Variants in DCHS2 observed in about 807,000 individuals in gnomAD.
The protein encoded by DCHS2 is dachsous cadherin-related 2.
A neutral mutation model predicts 182.4 loss-of-function variants in DCHS2; 142 were observed. The ratio of observed to expected loss-of-function variants is 0.78; its 90% CI spans 0.68 to 0.89. The LOEUF (loss-of-function observed/expected upper bound fraction) is 0.89, where lower values mean the gene tolerates loss of function less well. Ranked by LOEUF, DCHS2 falls within the 40% of genes least tolerant of loss-of-function variation. DCHS2 has a pLI of 0.00. For synonymous variants in DCHS2, 1,740 were observed against 1,663.3 expected (o/e 1.05, Z -1.12); for missense variants, 4,319 against 4,198.6 (o/e 1.03, Z -0.79).
At position 154,334,836 on chromosome 4, in the gene DCHS2, A is replaced by T. The variant is rs368565583; in HGVS notation, c.2713+32T>A. 2.3e-5 allele frequency: 34 copies of T among 1,502,332 alleles called. No individual in the cohort carries two copies. In the African/African-American group the frequency reaches 4.6e-4, roughly 20 times the overall value. 93.1% of individuals were successfully genotyped at this position (1,502,332 alleles called of 1,614,324 possible). ...AAAACAAGAAATGTTCCAATAATGG[A>T]ATTCCATGCAGCATAAGAAATAAGT... is the stretch of plus-strand genomic sequence containing the variant. On this transcript the variant is annotated intron_variant, in intron 4 of 19. Transcript: ENST00000357232.
intron 1 of DCHS2, among the ~76,000 whole-genome samples, chr4:154,392,327 C>G (rs536471898): frequency 6.6e-6 from 1 of 152,160 alleles, no homozygotes; most frequent in Admixed American, 6.5e-5. Context: ...CAAAGAGATA[C>G]CCAGAATTTA....
Position 154,235,889 on chromosome 4 carries a change from G to A in DCHS2, c.8763C>T (p.Thr2921=), listed in dbSNP as rs1489254075. The A allele has an allele frequency of 1.2e-6, 2 of 1,614,046 alleles. No individual in the cohort carries two copies. Among genetic ancestry groups the A allele is most frequent in the South Asian group, 2.2e-5 (2 of 91,076 alleles). The change falls in exon 20 of 20, where the codon ACC becomes ACT. Residue 2921 remains threonine, a synonymous_variant. Transcript: ENST00000357232. ...IDGVILYSLG[T]SSPFFSVNKT... is the part of the protein sequence containing the mutation. ...TATTTACTGAAAAGAAAGGAGATGA[G>A]GTTCCAAGGGAGTAAAGAATGACTC...
chr4:154,374,179 G>T, intron 2 of DCHS2: 3 of 501,840 alleles, frequency 6.0e-6, no homozygotes, highest in Non-Finnish European at 1.1e-5. Context: ...AGGGGAGCTT[G>T]CTTCTCCTGA....
At position 154,282,611 on chromosome 4, in the gene DCHS2, T is replaced by C. The variant is rs149076023; in HGVS notation, c.6464-12598A>G. ...TGGTGCAGCCCACTATGGAACATAG[T>C]ACAGAGGTTCCTCAAAAAATTAAAA... On this transcript the variant is annotated intron_variant, in intron 13 of 19. Transcript: ENST00000357232. 1.3e-3 allele frequency among the ~76,000 whole-genome samples: 205 copies of C among 152,220 alleles called. 2 individuals carry two copies. Among genetic ancestry groups the C allele is most frequent in the African/African-American group, 4.5e-3 (186 of 41,576 alleles).
chr4:154,246,011 C>T (rs779801170), intron 16 of DCHS2, among the ~76,000 whole-genome samples: 18 of 152,064 alleles, frequency 1.2e-4, no homozygotes, highest in Admixed American at 5.9e-4. Context: ...GAAATCTCTG[C>T]ACCATCTCTC....
At chr4:154,276,944 T>C (rs886396359) in intron 13 of DCHS2, among the ~76,000 whole-genome samples, 3 of 152,220 alleles carry the variant, frequency 2.0e-5, no homozygotes, top group African/African-American at 7.2e-5. Context: ...TATGAAAATA[T>C]TATGAAAATT....
intron 13 of DCHS2, among the ~76,000 whole-genome samples, chr4:154,276,664 T>C (rs571135392): frequency 1.3e-5 from 2 of 152,326 alleles, no homozygotes; most frequent in East Asian, 1.9e-4. Flanking sequence ...ATATTGCAAC[T>C]ACTTAAGAAA....
chr4:154,252,887 T>C (rs1400462644), intron 16 of DCHS2, among the ~76,000 whole-genome samples: 18 of 152,102 alleles, frequency 1.2e-4, no homozygotes, highest in Admixed American at 1.1e-3. Context: ...TTTTATATTT[T>C]AAAACAAAGG....
At chr4:154,263,801 C>A (rs1227978365) in intron 14 of DCHS2, among the ~76,000 whole-genome samples, 1 of 151,378 alleles carries the variant, frequency 6.6e-6, no homozygotes, top group Non-Finnish European at 1.5e-5. Flanking sequence ...CTCATGAATA[C>A]AATCCACAGA....
chr4:154,320,949 G>A lies in DCHS2; in HGVS notation c.4450C>T (p.His1484Tyr), dbSNP rs1242514951. Residue 1484 changes from histidine (H) to tyrosine (Y), a missense_variant, in exon 9 of 20, where the codon CAT (histidine) becomes TAT (tyrosine). By Grantham distance (83) the His-to-Tyr change is moderately conservative (BLOSUM62 2). Coordinates refer to ENST00000357232, the MANE Select transcript of DCHS2 (RefSeq NM_001358235.2). ...CTACTCAGGGAAAGGTTTTTGCTATGGTCTGTAGTAATCACTCTGAAAAGA... is the reference window on the plus strand; with the variant it reads ...CTACTCAGGGAAAGGTTTTTGCTATAGTCTGTAGTAATCACTCTGAAAAGA... ...HYLFRVITTD[H>Y]SKNLSLSSTV... 4 of 1,613,988 alleles carry A rather than the reference G, an allele frequency of 2.5e-6. No individual in the cohort carries two copies. Among genetic ancestry groups the A allele is most frequent in the Non-Finnish European group, 3.4e-6 (4 of 1,179,990 alleles).
At chr4:154,254,414 C>T (rs976797391) in intron 16 of DCHS2, among the ~76,000 whole-genome samples, 8 of 152,228 alleles carry the variant, frequency 5.3e-5, no homozygotes, top group African/African-American at 1.9e-4. Context: ...GAGCTCCATC[C>T]TCATCGGCAC....
intron 16 of DCHS2, among the ~76,000 whole-genome samples, chr4:154,255,226 C>CT (rs1384168568): frequency 6.6e-6 from 1 of 152,170 alleles, no homozygotes; most frequent in Non-Finnish European, 1.5e-5. Context: ...CAAACATTAT[C>CT]TTTTTAGTGT....
At chr4:154,295,251 T>C (rs1262977066) in intron 13 of DCHS2, among the ~76,000 whole-genome samples, 1 of 152,226 alleles carries the variant, frequency 6.6e-6, no homozygotes, top group East Asian at 1.9e-4. Flanking sequence ...CGTTTCTCTA[T>C]CTTCCTTCCC....
At chr4:154,237,385 T>G in intron 19 of DCHS2, 1 of 579,440 alleles carries the variant, frequency 1.7e-6, no homozygotes. Flanking sequence ...CTGTGAAATA[T>G]GTGTGCTGCT....
intron 3 of DCHS2, among the ~76,000 whole-genome samples, chr4:154,344,825 C>G (rs1407919802): frequency 5.3e-5 from 8 of 152,134 alleles, no homozygotes; most frequent in African/African-American, 1.9e-4. Flanking sequence ...TACGTTCAAA[C>G]CTTTAAGGGC....
chr4:154,475,972 A>C (rs538230336), intron 1 of DCHS2, among the ~76,000 whole-genome samples: 16 of 152,198 alleles, frequency 1.1e-4, no homozygotes, highest in Non-Finnish European at 2.4e-4. Flanking sequence ...ATAACTATTA[A>C]TAAATCAACT....
chr4:154,301,263 A>G (rs144112340), intron 12 of DCHS2, among the ~76,000 whole-genome samples: 60 of 152,296 alleles, frequency 3.9e-4, no homozygotes, highest in Non-Finnish European at 7.9e-4. Flanking sequence ...GCTATCAACC[A>G]AATTATAGAG....
intron 14 of DCHS2, chr4:154,269,359 A>C (rs1008665651): frequency 6.6e-6 from 1 of 152,530 alleles, no homozygotes; most frequent in African/African-American, 2.4e-5. Flanking sequence ...GAAAAAAGGT[A>C]TGTTTGAAGT....
At chr4:154,301,322 A>T (rs928474194) in intron 12 of DCHS2, among the ~76,000 whole-genome samples, 4 of 152,174 alleles carry the variant, frequency 2.6e-5, no homozygotes, top group African/African-American at 9.7e-5. Context: ...AAGACTATTC[A>T]TTAACTTTTT....
Sources: allele counts gnomAD v4.1 joint callset (sites outside exome capture counted in the v4.1 genomes callset), GRCh38; gene constraint gnomAD v4.1.1; transcripts MANE v1.5; gene names NCBI Gene and HGNC (gene_info 2026-07-23, HGNC 2026-07-21).